The following LCOR variants were observed in gnomAD, a reference collection of about 807,000 sequenced individuals.
The protein encoded by LCOR is ligand dependent nuclear receptor corepressor.
In LCOR, 14 loss-of-function variants were observed where a neutral mutation model predicts 64.4. The observed-to-expected ratio is 0.22, with a 90% CI of 0.14 to 0.34. The LOEUF is 0.34. LCOR is among the 10% of genes least tolerant of loss of function. The pLI is 1.00. For missense variants in LCOR, 1,686 were observed against 1,765.3 expected (o/e 0.96, Z 0.80); for synonymous variants, 643 against 642.5 (o/e 1.00, Z -0.01).
At chr10:96,932,047 T>C (rs911904218) in intron 4 of LCOR, among the ~76,000 whole-genome samples, 1 of 152,224 alleles carries the variant, frequency 6.6e-6, no homozygotes, top group African/African-American at 2.4e-5. Flanking sequence ...CTTTGATCTT[T>C]CTTTATAAGT....
At chr10:96,924,818 G>A (rs1012855151) in intron 4 of LCOR, among the ~76,000 whole-genome samples, 1 of 152,016 alleles carries the variant, frequency 6.6e-6, no homozygotes, top group Non-Finnish European at 1.5e-5. Flanking sequence ...TAAGAACAAG[G>A]ATATCTGCTT....
intron 2 of LCOR, among the ~76,000 whole-genome samples, chr10:96,880,012 G>A (rs1206486433): frequency 1.3e-5 from 2 of 152,214 alleles, no homozygotes; most frequent in East Asian, 3.9e-4. Context: ...GTTACAAGAA[G>A]TATTGGTTTG....
chr10:96,955,127 G>T (rs1016800883), intron 7 of LCOR: 11 of 1,614,114 alleles, frequency 6.8e-6, no homozygotes, highest in Non-Finnish European at 9.3e-6. Context: ...GAAACCAATT[G>T]TCCACAGCTG....
At chr10:96,860,939 G>A (rs1385403175) in intron 2 of LCOR, among the ~76,000 whole-genome samples, 1 of 152,204 alleles carries the variant, frequency 6.6e-6, no homozygotes, top group Admixed American at 6.5e-5. Flanking sequence ...GTTTGGGGCA[G>A]TTAGCTGTTG....
intron 2 of LCOR, among the ~76,000 whole-genome samples, chr10:96,867,412 CAT>C (rs1845992588): frequency 1.3e-5 from 2 of 152,138 alleles, no homozygotes; most frequent in African/African-American, 2.4e-5. Flanking sequence ...GCCTGGGCAA[CAT>C]ATGGAGATCT....
chr10:96,871,071 A>G (rs1219464718), intron 2 of LCOR, among the ~76,000 whole-genome samples: 1 of 152,104 alleles, frequency 6.6e-6, no homozygotes. Context: ...GTGTGTATAT[A>G]TAAGAGACAG....
At chr10:96,862,732 C>T (rs993916919) in intron 2 of LCOR, among the ~76,000 whole-genome samples, 1 of 152,170 alleles carries the variant, frequency 6.6e-6, no homozygotes, top group Admixed American at 6.5e-5. Context: ...GAATTGCCAG[C>T]CCCCGTCAAC....
intron 2 of LCOR, among the ~76,000 whole-genome samples, chr10:96,864,475 A>C (rs941043647): frequency 6.6e-6 from 1 of 152,202 alleles, no homozygotes; most frequent in Non-Finnish European, 1.5e-5. Context: ...GCTACCAAGC[A>C]CTATATGGGG....
intron 2 of LCOR, among the ~76,000 whole-genome samples, chr10:96,894,826 C>T (rs964362253): frequency 6.6e-6 from 1 of 152,168 alleles, no homozygotes; most frequent in South Asian, 2.1e-4. Context: ...CCTCGGATGA[C>T]ATTTGGAGTG....
intron 4 of LCOR, among the ~76,000 whole-genome samples, chr10:96,914,975 A>C (rs1376353849): frequency 6.6e-6 from 1 of 152,208 alleles, no homozygotes; most frequent in Non-Finnish European, 1.5e-5. Flanking sequence ...GAAAGGTGGA[A>C]AGGGAGAAGA....
chr10:96,844,931 G>T (rs1271773873), intron 2 of LCOR, among the ~76,000 whole-genome samples: 1 of 152,136 alleles, frequency 6.6e-6, no homozygotes, highest in Non-Finnish European at 1.5e-5. Context: ...GGGCAAACAG[G>T]TTAAAGCAGA....
intron 2 of LCOR, among the ~76,000 whole-genome samples, chr10:96,842,868 T>C (rs951262160): frequency 1.3e-5 from 2 of 152,128 alleles, no homozygotes; most frequent in African/African-American, 4.8e-5. Context: ...TGACTGTGAG[T>C]GATCCACCCA....
chr10:96,874,971 C>G (rs1445754059), intron 2 of LCOR, among the ~76,000 whole-genome samples: 1 of 151,998 alleles, frequency 6.6e-6, no homozygotes, highest in South Asian at 2.1e-4. Flanking sequence ...CTTGCTTATT[C>G]TTTGAGATTC....
At chr10:96,906,059 G>A (rs558243545) in intron 2 of LCOR, among the ~76,000 whole-genome samples, 4 of 152,122 alleles carry the variant, frequency 2.6e-5, no homozygotes, top group Non-Finnish European at 4.4e-5. Flanking sequence ...ATTGATACAT[G>A]TGAGGGGGCC....
intron 2 of LCOR, 95 bp downstream of exon 2, chr10:96,833,574 TC>T: frequency 2.2e-6 from 1 of 444,544 alleles, no homozygotes; most frequent in Non-Finnish European, 3.0e-6. Context: ...CATTGTTACT[TC>T]CCCGTCTTTG....
intron 6 of LCOR, 67 bp downstream of exon 6, chr10:96,949,362 G>A (rs1191208949): frequency 2.2e-6 from 3 of 1,359,532 alleles, no homozygotes; most frequent in South Asian, 2.5e-5. Context: ...AAAAAAAAAA[G>A]CATTGGCAAG....
intron 7 of LCOR, among the ~76,000 whole-genome samples, chr10:96,977,999 G>T (rs1224417852): frequency 6.6e-6 from 1 of 152,198 alleles, no homozygotes; most frequent in Non-Finnish European, 1.5e-5. Flanking sequence ...TTTTGGACAA[G>T]GTCACATAAC....
intron 7 of LCOR, among the ~76,000 whole-genome samples, chr10:96,967,283 C>A (rs1021689328): frequency 2.6e-5 from 4 of 152,110 alleles, no homozygotes; most frequent in African/African-American, 9.7e-5. Context: ...AGGTGTGTGC[C>A]ACCATGCCCA....
intron 4 of LCOR, among the ~76,000 whole-genome samples, chr10:96,908,549 AC>A (rs1846769693): frequency 6.6e-6 from 1 of 152,156 alleles, no homozygotes; most frequent in South Asian, 2.1e-4. Flanking sequence ...AACTGGGTGA[AC>A]CTTTGTGTAT....
Sources: gnomAD v4.1 joint callset for allele counts (sites outside exome capture counted in the v4.1 genomes callset) on GRCh38, gnomAD v4.1.1 for gene constraint, MANE v1.5 for transcripts, NCBI Gene and HGNC (gene_info 2026-07-23, HGNC 2026-07-21) for gene names.